The following ATP10B variants were observed in gnomAD, a reference collection of about 807,000 sequenced individuals.
ATP10B encodes phospholipid-transporting ATPase VB.
Under a neutral mutation model 141.2 loss-of-function variants are expected in ATP10B, and 122 were observed. The observed-to-expected ratio is 0.86, with a 90% CI of 0.75 to 1.00. The LOEUF (loss-of-function observed/expected upper bound fraction) is 1.00. Ranked by LOEUF, ATP10B falls within the 50% of genes least tolerant of loss-of-function variation. The pLI is 0.00. For synonymous variants in ATP10B, 685 were observed against 692.0 expected (o/e 0.99, Z 0.16); for missense variants, 1,876 against 1,825.3 (o/e 1.03, Z -0.51).
chr5:160,636,076 A>G, intron 11 of ATP10B, 106 bp downstream of exon 11: 1 of 1,291,478 alleles, frequency 7.7e-7, no homozygotes, highest in Non-Finnish European at 1.0e-6. Context: ...ATCTCAATCC[A>G]GTTTGTACTT....
chr5:160,773,561 CA>C (rs1770061599), intron 2 of ATP10B, among the ~76,000 whole-genome samples: 1 of 152,180 alleles, frequency 6.6e-6, no homozygotes, highest in Non-Finnish European at 1.5e-5. Context: ...GGTATATTAG[CA>C]GCTCCAGAGC....
chr5:160,895,683 C>A, the ATP10B span, among the ~76,000 whole-genome samples: 1 of 152,188 alleles, frequency 6.6e-6, no homozygotes, highest in Non-Finnish European at 1.5e-5. Flanking sequence ...GAACTCAGCT[C>A]TGCACCAAGT....
chr5:160,763,482 A>C (rs1160660309), intron 2 of ATP10B, among the ~76,000 whole-genome samples: 1 of 152,202 alleles, frequency 6.6e-6, no homozygotes, highest in Non-Finnish European at 1.5e-5. Flanking sequence ...CAACGAAATT[A>C]AGATGGAAAT....
intron 3 of ATP10B, among the ~76,000 whole-genome samples, chr5:160,715,686 TGC>T (rs1265387046): frequency 1.4e-5 from 2 of 146,582 alleles, no homozygotes; most frequent in Non-Finnish European, 3.0e-5. Flanking sequence ...GAATTTAGCT[TGC>T]TTTATTTATT....
chr5:160,835,402 A>G (rs1327717558), intron 1 of ATP10B, among the ~76,000 whole-genome samples: 3 of 152,114 alleles, frequency 2.0e-5, no homozygotes, highest in Non-Finnish European at 2.9e-5. Flanking sequence ...AGAAAATGAC[A>G]AGTAGAAATG....
Position 160,620,931 on chromosome 5 carries a change from C to T in ATP10B, c.1832G>A (p.Ser611Asn), listed in dbSNP as rs2127649151. 1.2e-6 allele frequency: 2 copies of T among 1,613,208 alleles called. No homozygotes were observed. The highest frequency in any genetic ancestry group is 1.7e-6 in the Non-Finnish European group (2 of 1,179,522). The change falls in exon 15 of 26, where the codon AGC becomes AAC. Residue 611 changes from serine (S) to asparagine (N), a missense_variant. Ser to Asn is a conservative substitution (Grantham distance 46). Coordinates refer to ENST00000327245, the MANE Select transcript of ATP10B (RefSeq NM_025153.3). ...PRQRVTIKPSSKALGTSLEKI... is the reference protein window; with the variant it reads ...PRQRVTIKPSNKALGTSLEKI... The stretch of plus-strand genomic sequence containing the variant: ...CTCCAGGGACGTCCCCAGAGCCTTG[C>T]TTGAGGGTTTGATGGTGACCTTGTG...
rs1030072108 is a variant in ATP10B at position 160,668,444 on chromosome 5, G to A, written c.675+2019C>T. Among the ~76,000 whole-genome samples, 10 of 152,188 alleles carry A rather than the reference G, an allele frequency of 6.6e-5. 1 individual carries two copies. The highest frequency in any genetic ancestry group is 5.2e-4 in the Admixed American group (8 of 15,286). ...CTTGAAAGCCTCTGGTCGAAGGGCA[G>A]GCTACAGAGTTCTGAGCCCAGAAAC... On this transcript the variant is annotated intron_variant, in intron 7 of 25. Transcript: ENST00000327245.
the ATP10B span, among the ~76,000 whole-genome samples, chr5:160,914,768 AG>A: frequency 6.6e-6 from 1 of 152,168 alleles, no homozygotes; most frequent in African/African-American, 2.4e-5. Context: ...CATGAAATGG[AG>A]GAGGTAGACT....
At chr5:160,755,824 AAAAAAAAAAAAAAAATATATATAT>A (rs1768506578) in intron 2 of ATP10B, among the ~76,000 whole-genome samples, 2 of 66,162 alleles carry the variant, frequency 3.0e-5, no homozygotes, top group Non-Finnish European at 5.6e-5. Context: ...CAAAAAAAAA[AAAAAAAAAAAAAAAATATATATAT>A]ATATATATAT....
chr5:160,885,312 G>A, the ATP10B span, among the ~76,000 whole-genome samples: 1 of 152,348 alleles, frequency 6.6e-6, no homozygotes, highest in East Asian at 1.9e-4. Flanking sequence ...AAGGAAGGCA[G>A]CACCCTGCAT....
In ATP10B at chr5:160,620,807, C is replaced by T. The variant is rs1758296448; in HGVS notation, c.1956G>A (p.Gly652=). ...CCGAGTCTGTGGTGGCCACGTTGGC[C>T]CCTAAGCTCTCCCCGAGGTCTGTGT... ...PSDTDLGESL[G]ANVATTDSDE... is the part of the protein sequence containing the mutation. Residue 652 remains glycine (G), a synonymous_variant, in exon 15 of 26, where the codon GGG becomes GGA. Coordinates refer to ENST00000327245, the MANE Select transcript of ATP10B (RefSeq NM_025153.3). 2.5e-6 allele frequency: 4 copies of T among 1,614,018 alleles called. No homozygotes were observed. Among genetic ancestry groups the T allele is most frequent in the Non-Finnish European group, 3.4e-6 (4 of 1,180,030 alleles).
At chr5:160,645,244 T>C (rs1166155185) in intron 8 of ATP10B, among the ~76,000 whole-genome samples, 2 of 152,216 alleles carry the variant, frequency 1.3e-5, no homozygotes, top group African/African-American at 4.8e-5. Flanking sequence ...GGGAACTGGC[T>C]TCTGGCCTTA....
chr5:160,922,612 T>C, the ATP10B span, among the ~76,000 whole-genome samples: 1 of 152,212 alleles, frequency 6.6e-6, no homozygotes, highest in African/African-American at 2.4e-5. Context: ...AATGACCCAG[T>C]ACTTAACCTT....
chr5:160,636,275 G>T lies in ATP10B; in HGVS notation c.1035C>A (p.His345Gln), dbSNP rs1489690869. The T allele has an allele frequency of 6.2e-7, 1 of 1,613,552 alleles. No homozygotes were observed. The highest frequency in any genetic ancestry group is 1.7e-5 in the Admixed American group (1 of 59,956). ...HSIWNGTFEE[H>Q]PPFDVPDANG... is the part of the protein sequence containing the mutation. ...TGGCATCTGGCACATCGAAGGGAGGGTGTTCTTCAAAGGTCCCATTCCAGA... is the reference window on the plus strand; with the variant it reads ...TGGCATCTGGCACATCGAAGGGAGGTTGTTCTTCAAAGGTCCCATTCCAGA... Residue 345 changes from histidine to glutamine, a missense_variant, in exon 11 of 26, where the codon CAC (histidine) becomes CAA (glutamine). Physicochemically the swap from His to Gln is conservative, Grantham distance 24. Coordinates refer to ENST00000327245, the MANE Select transcript of ATP10B (RefSeq NM_025153.3).
the ATP10B span, among the ~76,000 whole-genome samples, chr5:160,922,583 T>C: frequency 1.3e-5 from 2 of 152,274 alleles, no homozygotes; most frequent in African/African-American, 4.8e-5. Context: ...TAGAAGACAA[T>C]GTGTCTACAA....
chr5:160,583,656 C>G (rs1755699213), intron 24 of ATP10B, among the ~76,000 whole-genome samples: 1 of 152,160 alleles, frequency 6.6e-6, no homozygotes. Context: ...GTGCTCTGTC[C>G]CAGGGAGAGG....
intron 22 of ATP10B, among the ~76,000 whole-genome samples, chr5:160,595,208 A>G (rs1007448048): frequency 3.3e-5 from 5 of 152,246 alleles, no homozygotes; most frequent in African/African-American, 1.2e-4. Context: ...AGCACAGTGC[A>G]ATCAAACTAG....
intron 2 of ATP10B, among the ~76,000 whole-genome samples, chr5:160,769,280 TCTGA>T (rs1262452307): frequency 1.3e-5 from 2 of 152,220 alleles, no homozygotes; most frequent in Non-Finnish European, 2.9e-5. Flanking sequence ...AATCCTGTCT[TCTGA>T]CTGTGTTTAT....
At chr5:160,914,962 C>A in the ATP10B span, among the ~76,000 whole-genome samples, 1 of 152,152 alleles carries the variant, frequency 6.6e-6, no homozygotes, top group African/African-American at 2.4e-5. Flanking sequence ...AGAAGGTTCA[C>A]TTAAGGCTGG....
Sources: gnomAD v4.1 joint callset for allele counts (sites outside exome capture counted in the v4.1 genomes callset) on GRCh38, gnomAD v4.1.1 for gene constraint, MANE v1.5 for transcripts, NCBI Gene and HGNC (gene_info 2026-07-23, HGNC 2026-07-21) for gene names.